The following CRYBG1 variants were observed in gnomAD, a reference collection of about 807,000 sequenced individuals.
CRYBG1 encodes the protein crystallin beta-gamma domain containing 1, also known as beta/gamma crystallin domain-containing protein 1.
A neutral mutation model predicts 189.2 loss-of-function variants in CRYBG1; 139 were observed. The ratio of observed to expected loss-of-function variants is 0.73; its 90% CI spans 0.64 to 0.85. The LOEUF (loss-of-function observed/expected upper bound fraction) is 0.85. Among genes scored for constraint, CRYBG1 ranks in the 40% least tolerant of loss-of-function variants. The pLI is 0.00. For missense variants in CRYBG1, 2,611 were observed against 2,675.8 expected (o/e 0.98, Z 0.53); for synonymous variants, 1,023 against 1,017.1 (o/e 1.01, Z -0.11).
chr6:106,562,841 GT>G (rs1774764590), intron 20 of CRYBG1, among the ~76,000 whole-genome samples: 1 of 151,258 alleles, frequency 6.6e-6, no homozygotes, highest in Non-Finnish European at 1.5e-5. Flanking sequence ...TTGTTTTTGT[GT>G]TTGAGACAGA....
chr6:106,459,762 T>C (rs1771965524), intron 2 of CRYBG1, among the ~76,000 whole-genome samples: 2 of 152,128 alleles, frequency 1.3e-5, no homozygotes, highest in Admixed American at 1.3e-4. Flanking sequence ...TTTTGGTCAG[T>C]TATTTTTGCG....
At chr6:106,418,400 G>GT in intron 1 of CRYBG1, among the ~76,000 whole-genome samples, 1 of 152,300 alleles carries the variant, frequency 6.6e-6, no homozygotes, top group Non-Finnish European at 1.5e-5. Flanking sequence ...GCTTCAGGCT[G>GT]TTTTTTTGGC....
chr6:106,376,688 A>G (rs1343445551), intron 1 of CRYBG1, among the ~76,000 whole-genome samples: 1 of 152,104 alleles, frequency 6.6e-6, no homozygotes, highest in East Asian at 1.9e-4. Context: ...TCTGCTTACC[A>G]TTCCTTAGTG....
chr6:106,372,405 T>G (rs370752833), intron 1 of CRYBG1, among the ~76,000 whole-genome samples: 2 of 152,032 alleles, frequency 1.3e-5, no homozygotes, highest in East Asian at 3.9e-4. Flanking sequence ...GTACGTGCCA[T>G]CACACCCAGC....
chr6:106,465,103 C>T (rs982438683), intron 2 of CRYBG1, among the ~76,000 whole-genome samples: 1 of 152,184 alleles, frequency 6.6e-6, no homozygotes, highest in African/African-American at 2.4e-5. Context: ...CATTGTCTGA[C>T]ATCTCCCATG....
chr6:106,446,200 C>G (rs1771660295), intron 1 of CRYBG1, among the ~76,000 whole-genome samples: 1 of 152,198 alleles, frequency 6.6e-6, no homozygotes, highest in African/African-American at 2.4e-5. Context: ...AATGGTTGCT[C>G]TCTACCATTT....
intron 2 of CRYBG1, among the ~76,000 whole-genome samples, chr6:106,497,991 CTTAG>C (rs1772892943): frequency 6.6e-6 from 1 of 151,822 alleles, no homozygotes; most frequent in South Asian, 2.1e-4. Flanking sequence ...GTCCCAGCTG[CTTAG>C]GAGGCTGAGG....
intron 2 of CRYBG1, among the ~76,000 whole-genome samples, chr6:106,489,829 T>C (rs1480997558): frequency 6.7e-6 from 1 of 150,192 alleles, no homozygotes; most frequent in Non-Finnish European, 1.5e-5. Context: ...AAAACATTGA[T>C]AATTGTGAAT....
At chr6:106,477,710 G>A (rs1046508236) in intron 2 of CRYBG1, among the ~76,000 whole-genome samples, 2 of 152,204 alleles carry the variant, frequency 1.3e-5, no homozygotes, top group African/African-American at 2.4e-5. Flanking sequence ...GGTTCCGTTC[G>A]TGGCCCCATA....
intron 8 of CRYBG1, among the ~76,000 whole-genome samples, chr6:106,539,061 C>T (rs1774070379): frequency 6.6e-6 from 1 of 152,136 alleles, no homozygotes; most frequent in African/African-American, 2.4e-5. Flanking sequence ...AGATGAAGTT[C>T]TCAGTGGCAT....
intron 2 of CRYBG1, among the ~76,000 whole-genome samples, chr6:106,472,319 A>G (rs1025630542): frequency 2.0e-5 from 3 of 152,220 alleles, no homozygotes; most frequent in African/African-American, 7.2e-5. Context: ...ATGTCTATAG[A>G]TAAAGTATAA....
At chr6:106,407,147 A>G (rs1297400904) in intron 1 of CRYBG1, among the ~76,000 whole-genome samples, 2 of 152,186 alleles carry the variant, frequency 1.3e-5, no homozygotes, top group African/African-American at 4.8e-5. Flanking sequence ...CCCATCTCAC[A>G]TGCAAAGACA....
chr6:106,541,620 A>C lies in CRYBG1; in HGVS notation c.4880A>C (p.Lys1627Thr). The C allele has an allele frequency of 6.2e-7, 1 of 1,601,730 alleles. No individual in the cohort carries two copies. The highest frequency in any genetic ancestry group is 8.5e-7 in the Non-Finnish European group (1 of 1,169,626). Residue 1627 changes from lysine to threonine, a missense_variant and splice_region_variant, in exon 10 of 22, where the codon AAG becomes ACG. Lys to Thr is a moderately conservative substitution (Grantham distance 78, BLOSUM62 -1). Around this residue, in one of 3 missense-constraint regions of CRYBG1, gnomAD observed 1,622 missense variants for 1,735.0 expected, o/e 0.93. Transcript: ENST00000633556. ...AAAGTTGAATTCCCTACAGATCCAA[A>C]GGTAAAAATATATATGTATTTTTGT... ...GRKVEFPTDP[K>T]VVVYEKPFFE...
intron 2 of CRYBG1, among the ~76,000 whole-genome samples, chr6:106,481,759 A>G (rs1162248198): frequency 6.6e-6 from 1 of 152,234 alleles, no homozygotes; most frequent in East Asian, 1.9e-4. Flanking sequence ...GGGGCCACTG[A>G]AGGCCGGCCT....
chr6:106,521,273 A>G lies in CRYBG1; in HGVS notation c.4065A>G (p.Lys1355=), dbSNP rs965816836. The G allele has an allele frequency of 4.3e-6, 7 of 1,613,712 alleles. No homozygotes were observed. The highest frequency in any genetic ancestry group is 5.9e-6 in the Non-Finnish European group (7 of 1,179,968). ...GCAACCTACACTTGCCAGAAACTAA[A>G]TTTTCTGAATTGTCAAAACTGAAGA... ...SRSNLHLPET[K]FSELSKLKND... The change falls in exon 4 of 22, where the codon AAA becomes AAG. Residue 1355 remains lysine, a synonymous_variant. Transcript: ENST00000633556.
intron 6 of CRYBG1, among the ~76,000 whole-genome samples, chr6:106,526,957 AAAG>A (rs1773751883): frequency 6.6e-6 from 1 of 150,804 alleles, no homozygotes; most frequent in East Asian, 1.9e-4. Context: ...AAAAAAAAAA[AAAG>A]AGACAAAAAA....
chr6:106,521,262 C>T lies in CRYBG1; in HGVS notation c.4054C>T (p.Pro1352Ser), dbSNP rs771661623. ...DLDSRSNLHL[P>S]ETKFSELSKL... is the part of the protein sequence containing the mutation. The stretch of plus-strand genomic sequence containing the variant: ...GGATTCACGAAGCAACCTACACTTG[C>T]CAGAAACTAAATTTTCTGAATTGTC... The change falls in exon 4 of 22, where the codon CCA becomes TCA. Residue 1352 changes from proline to serine, a missense_variant. Coordinates refer to ENST00000633556, the MANE Select transcript of CRYBG1 (RefSeq NM_001371242.2). 15 of 1,613,686 alleles carry T rather than the reference C, an allele frequency of 9.3e-6. No individual in the cohort carries two copies. The South Asian group carries it at 1.5e-4, about 17-fold the overall frequency.
chr6:106,556,036 G>A (rs962535149), intron 17 of CRYBG1, 139 bp downstream of exon 17: 2 of 956,674 alleles, frequency 2.1e-6, no homozygotes, highest in Admixed American at 2.2e-5. Context: ...TTGGCTCTGT[G>A]TACATCTAGT....
intron 1 of CRYBG1, among the ~76,000 whole-genome samples, chr6:106,386,648 G>GGAGCATGCAA (rs71549461): frequency 0.12 from 18,124 of 152,092 alleles, 1,192 homozygotes; most frequent in African/African-American, 0.16. Flanking sequence ...GGAGCATGCA[G>GGAGCATGCAA]CCTAGATCCC....
Sources: allele counts gnomAD v4.1 joint callset (sites outside exome capture counted in the v4.1 genomes callset), GRCh38; gene constraint gnomAD v4.1.1; regional missense constraint gnomAD v4.1.1; transcripts MANE v1.5; gene names NCBI Gene and HGNC (gene_info 2026-07-23, HGNC 2026-07-21).